Variants in EDDM13 observed in about 807,000 individuals in gnomAD.
EDDM13 encodes epididymal protein 13.
Under a neutral mutation model 17.8 loss-of-function variants are expected in EDDM13, and 24 were observed. The ratio of observed to expected loss-of-function variants is 1.35; its 90% CI spans 0.98 to 1.90. The LOEUF is 1.90. Among genes scored for constraint, EDDM13 ranks in the 40% most tolerant of loss-of-function variants. The probability of loss-of-function intolerance (pLI) is 0.00; values close to 1 mark genes in which losing one functional copy is unlikely to be tolerated. For missense variants in EDDM13, 97 were observed against 100.8 expected (o/e 0.96, Z 0.16); for synonymous variants, 31 against 37.5 (o/e 0.83, Z 0.63).
At chr19:56,281,546 TAAC>T (rs2038707314) in intron 2 of EDDM13, 144 bp from the exon 3 acceptor site, 2 of 269,336 alleles carry the variant, frequency 7.4e-6, no homozygotes, top group Non-Finnish European at 5.7e-6. Flanking sequence ...GCACTCCATA[TAAC>T]AACAGGCAAA....
chr19:56,285,026 T>G lies in EDDM13; in HGVS notation c.154+2T>G, dbSNP rs2038999922. 1.0e-6 allele frequency: 1 copy of G among 985,208 alleles called. No individual in the cohort carries two copies. Among genetic ancestry groups the G allele is most frequent in the Non-Finnish European group, 1.2e-6 (1 of 829,818 alleles). 61.0% of individuals were successfully genotyped at this position (985,208 alleles called of 1,614,324 possible). A position where few individuals can be genotyped will look rare whatever the true frequency, so the allele number is the denominator to read the frequency against. On this transcript the variant is annotated splice_donor_variant, in intron 6 of 14. Coordinates refer to ENST00000649256, the MANE Select transcript of EDDM13 (RefSeq NM_001354658.2). LOFTEE classifies it high-confidence loss of function. ...TCATGAGCAGACTGTCACCGGATGG[T>G]AAGTGTCAGGATTGTATCTTTTAAA... is the stretch of plus-strand genomic sequence containing the variant.
At chr19:56,278,940 C>T (rs1417252959) in intron 2 of EDDM13, among the ~76,000 whole-genome samples, 6 of 152,222 alleles carry the variant, frequency 3.9e-5, no homozygotes, top group Non-Finnish European at 8.8e-5. Context: ...GGTGCTCACC[C>T]ACCGTGAGGG....
intron 13 of EDDM13, among the ~76,000 whole-genome samples, chr19:56,302,433 TTCCTTCC>T (rs961303981): frequency 9.5e-5 from 10 of 105,540 alleles, no homozygotes; most frequent in African/African-American, 4.2e-4. Context: ...CCTTTCTCCC[TTCCTTCC>T]TTTCTTCCTC....
At chr19:56,279,579 TGAG>T (rs1437532473) in intron 2 of EDDM13, among the ~76,000 whole-genome samples, 1 of 152,368 alleles carries the variant, frequency 6.6e-6, no homozygotes, top group East Asian at 1.9e-4. Flanking sequence ...ATATGGGGTC[TGAG>T]GTTTCCAAAG....
At chr19:56,275,328 T>C (rs1194817057) in intron 1 of EDDM13, among the ~76,000 whole-genome samples, 20 of 152,220 alleles carry the variant, frequency 1.3e-4, no homozygotes, top group Admixed American at 1.3e-3. Flanking sequence ...ATTCCCCTTA[T>C]TCATCTACAT....
intron 13 of EDDM13, chr19:56,302,949 A>T: frequency 1.0e-5 from 4 of 398,388 alleles, no homozygotes; most frequent in Non-Finnish European, 1.8e-5. Context: ...CCACAGAGAG[A>T]ACCAGATCAC....
At chr19:56,275,605 A>G (rs921585091) in intron 1 of EDDM13, among the ~76,000 whole-genome samples, 5 of 152,204 alleles carry the variant, frequency 3.3e-5, no homozygotes, top group African/African-American at 1.2e-4. Context: ...TTGCATTAAC[A>G]GATTATTTTT....
At chr19:56,290,672 A>C (rs2039449600) in intron 8 of EDDM13, among the ~76,000 whole-genome samples, 169 bp from the exon 9 acceptor site, 1 of 152,212 alleles carries the variant, frequency 6.6e-6, no homozygotes, top group Non-Finnish European at 1.5e-5. Context: ...CAGCCTGGGC[A>C]ACATAGGAAG....
chr19:56,301,830 G>T, intron 12 of EDDM13, 138 bp from the exon 13 acceptor site: 1 of 1,007,888 alleles, frequency 9.9e-7, no homozygotes, highest in African/African-American at 1.7e-5. Flanking sequence ...GTGATGGTGG[G>T]TGTGGACCAA....
chr19:56,273,590 T>G (rs775854690), intron 1 of EDDM13, among the ~76,000 whole-genome samples: 8 of 151,710 alleles, frequency 5.3e-5, no homozygotes, highest in Non-Finnish European at 8.8e-5. Flanking sequence ...AGCTGAAGAG[T>G]TAGGAGAGAC....
chr19:56,283,085 G>C (rs1231474513), intron 4 of EDDM13: 1 of 152,172 alleles, frequency 6.6e-6, no homozygotes, highest in African/African-American at 2.4e-5. Context: ...GGCAATCTTA[G>C]AGAAGTCACT....
chr19:56,301,664 G>C (rs1035072642), intron 12 of EDDM13, among the ~76,000 whole-genome samples: 1 of 152,126 alleles, frequency 6.6e-6, no homozygotes, highest in Non-Finnish European at 1.5e-5. Flanking sequence ...TCAAGACGGA[G>C]TCACTCTGGT....
At chr19:56,302,174 G>A (rs1028141633) in intron 13 of EDDM13, 79 bp downstream of exon 13, 29 of 1,087,770 alleles carry the variant, frequency 2.7e-5, no homozygotes, top group African/African-American at 1.1e-4. Context: ...CAGAGGAAGC[G>A]AAGGAGGGTG....
intron 2 of EDDM13, among the ~76,000 whole-genome samples, chr19:56,276,875 C>T (rs953770128): frequency 6.6e-6 from 1 of 151,748 alleles, no homozygotes; most frequent in Non-Finnish European, 1.5e-5. Flanking sequence ...ATTGTAAATT[C>T]AAGGATTTTT....
chr19:56,279,526 A>C (rs1470802764), intron 2 of EDDM13, among the ~76,000 whole-genome samples: 1 of 152,220 alleles, frequency 6.6e-6, no homozygotes, highest in Non-Finnish European at 1.5e-5. Context: ...CTGAGAATTT[A>C]AAATACGTCA....
At chr19:56,290,759 T>C (rs2039456191) in intron 8 of EDDM13, among the ~76,000 whole-genome samples, 82 bp from the exon 9 acceptor site, 2 of 152,186 alleles carry the variant, frequency 1.3e-5, no homozygotes, top group African/African-American at 2.4e-5. Flanking sequence ...AATAATTGAA[T>C]GTCCTATACT....
chr19:56,277,921 A>G (rs2038386505), intron 2 of EDDM13, among the ~76,000 whole-genome samples: 1 of 152,216 alleles, frequency 6.6e-6, no homozygotes, highest in Non-Finnish European at 1.5e-5. Flanking sequence ...ATATTTGAAA[A>G]ATAAGGATAA....
chr19:56,309,399 T>A (rs1338917041), intron 14 of EDDM13, among the ~76,000 whole-genome samples: 2 of 152,226 alleles, frequency 1.3e-5, no homozygotes, highest in Admixed American at 6.5e-5. Context: ...ATGGCGAATG[T>A]AATGAAGGCC....
Position 56,306,970 on chromosome 19 carries a change from G to A in EDDM13, c.461+2140G>A, listed in dbSNP as rs1229367231. Among the ~76,000 whole-genome samples, 29 of 36,426 alleles carry A rather than the reference G, an allele frequency of 8.0e-4. 1 individual carries two copies. Among genetic ancestry groups the A allele is most frequent in the African/African-American group, 4.2e-3 (29 of 6,936 alleles). The allele number at this position is 36,426 out of a possible 152,430, so 23.9% of individuals were successfully genotyped here. The stretch of plus-strand genomic sequence containing the variant: ...GAGGCTCCTCCCTGGCCTCTCCCAC[G>A]TCGCCAGAGAAAGTACTAAGGACAG... On this transcript the variant is annotated intron_variant, in intron 14 of 14. Transcript: ENST00000649256.
Sources: gnomAD v4.1 joint callset for allele counts (sites outside exome capture counted in the v4.1 genomes callset) on GRCh38, gnomAD v4.1.1 for gene constraint, MANE v1.5 for transcripts, NCBI Gene and HGNC (gene_info 2026-07-23, HGNC 2026-07-21) for gene names.